Variants in RGS8 observed in about 807,000 individuals in gnomAD.
RGS8 encodes regulator of G protein signaling 8.
In RGS8, 8 loss-of-function variants were observed where a neutral mutation model predicts 21.7. The observed-to-expected ratio is 0.37, with a 90% CI of 0.22 to 0.66. RGS8 has a LOEUF of 0.66. RGS8 is among the 30% of genes least tolerant of loss of function. RGS8 has a pLI of 0.59. For synonymous variants in RGS8, 80 were observed against 83.6 expected (o/e 0.96, Z 0.24); for missense variants, 157 against 217.9 (o/e 0.72, Z 1.76).
At chr1:182,712,461 C>T in the RGS8 span, among the ~76,000 whole-genome samples, 1 of 152,166 alleles carries the variant, frequency 6.6e-6, no homozygotes, top group African/African-American at 2.4e-5. Context: ...TTTCTAGAGC[C>T]TTTATTGATA....
At chr1:182,704,543 A>T in the RGS8 span, among the ~76,000 whole-genome samples, 4 of 152,236 alleles carry the variant, frequency 2.6e-5, no homozygotes, top group African/African-American at 9.6e-5. Context: ...TCTTGGACCC[A>T]TATGCAGAAT....
At chr1:182,669,178 T>C (rs966163796) in intron 3 of RGS8, among the ~76,000 whole-genome samples, 2 of 152,222 alleles carry the variant, frequency 1.3e-5, no homozygotes, top group Admixed American at 1.3e-4. Context: ...AGCTAAGACC[T>C]CAATTATAAT....
chr1:182,742,545 C>T, the RGS8 span, among the ~76,000 whole-genome samples: 3 of 152,212 alleles, frequency 2.0e-5, no homozygotes, highest in Non-Finnish European at 2.9e-5. Context: ...GAGACCAGCC[C>T]GGCCAACACA....
At chr1:182,716,218 C>T in the RGS8 span, among the ~76,000 whole-genome samples, 2 of 151,742 alleles carry the variant, frequency 1.3e-5, no homozygotes, top group East Asian at 1.9e-4. Context: ...TTCCACCTCC[C>T]GGGTTCAAGC....
chr1:182,661,222 G>A (rs1663571995), intron 5 of RGS8, among the ~76,000 whole-genome samples: 1 of 151,884 alleles, frequency 6.6e-6, no homozygotes, highest in South Asian at 2.1e-4. Flanking sequence ...TGTTCTCAGA[G>A]ATAGATAACA....
At chr1:182,703,665 A>G in the RGS8 span, among the ~76,000 whole-genome samples, 1 of 152,210 alleles carries the variant, frequency 6.6e-6, no homozygotes, top group African/African-American at 2.4e-5. Flanking sequence ...GGTCATGGAT[A>G]ATAACCACAG....
the RGS8 span, among the ~76,000 whole-genome samples, chr1:182,737,100 G>A: frequency 3.9e-5 from 6 of 151,982 alleles, no homozygotes; most frequent in East Asian, 3.9e-4. Flanking sequence ...AGCTTCAGGT[G>A]GCTACCAGCA....
chr1:182,670,915 C>T (rs1030686670), intron 2 of RGS8, among the ~76,000 whole-genome samples: 3 of 152,134 alleles, frequency 2.0e-5, no homozygotes, highest in African/African-American at 7.2e-5. Context: ...GCAGCTGTGC[C>T]GGTCCCTAGA....
At chr1:182,661,523 G>T (rs1248018419) in intron 5 of RGS8, among the ~76,000 whole-genome samples, 1 of 151,676 alleles carries the variant, frequency 6.6e-6, no homozygotes, top group Non-Finnish European at 1.5e-5. Context: ...CAAGAAGGAA[G>T]GGAGAAATAA....
upstream of RGS8, among the ~76,000 whole-genome samples, chr1:182,686,515 G>C (rs1041508986): frequency 7.2e-5 from 11 of 152,196 alleles, no homozygotes; most frequent in African/African-American, 2.4e-4. Context: ...CTCTGTGAAG[G>C]ATAGGGTGAG....
At chr1:182,717,385 T>C in the RGS8 span, among the ~76,000 whole-genome samples, 2 of 152,214 alleles carry the variant, frequency 1.3e-5, no homozygotes, top group Non-Finnish European at 1.5e-5. Flanking sequence ...CTCATTTTTC[T>C]TCCTGAAACT....
intron 5 of RGS8, among the ~76,000 whole-genome samples, chr1:182,664,068 G>A (rs972605603): frequency 2.6e-5 from 4 of 152,102 alleles, no homozygotes; most frequent in Non-Finnish European, 4.4e-5. Context: ...AGTGTCTTCA[G>A]ATTTAAAAGT....
the RGS8 span, among the ~76,000 whole-genome samples, chr1:182,740,919 T>C: frequency 2.7e-3 from 414 of 152,302 alleles, 6 homozygotes; most frequent in African/African-American, 9.5e-3. Context: ...TTCTTCTTAG[T>C]ACAGAACAAA....
intron 3 of RGS8, among the ~76,000 whole-genome samples, chr1:182,667,950 G>C (rs1010339106): frequency 6.6e-6 from 1 of 152,018 alleles, no homozygotes; most frequent in Non-Finnish European, 1.5e-5. Flanking sequence ...CTGAGTAGCC[G>C]GGATTACAGG....
the RGS8 span, among the ~76,000 whole-genome samples, chr1:182,742,974 C>T: frequency 6.6e-6 from 1 of 152,160 alleles, no homozygotes; most frequent in Non-Finnish European, 1.5e-5. Flanking sequence ...ATTAAAGTGG[C>T]ATTGTGCAAT....
downstream of RGS8, chr1:182,643,315 CTCCCCCAG>C (rs1662551001): frequency 2.9e-5 from 3 of 101,812 alleles, no homozygotes; most frequent in African/African-American, 9.4e-5. Flanking sequence ...TGTCTCCCCC[CTCCCCCAG>C]CCCCCCCGCC....
At chr1:182,676,961 G>A (rs549072645), upstream of RGS8, among the ~76,000 whole-genome samples, 1 of 152,266 alleles carries the variant, frequency 6.6e-6, no homozygotes, top group South Asian at 2.1e-4. Context: ...AAGTCTATGG[G>A]GGAAATGCCC....
At chr1:182,740,548 G>GTTTTTTTTTTTTTTT in the RGS8 span, among the ~76,000 whole-genome samples, 9 of 75,962 alleles carry the variant, frequency 1.2e-4, no homozygotes, top group Non-Finnish European at 1.5e-4. Flanking sequence ...TTGTTTGTTT[G>GTTTTTTTTTTTTTTT]TTTTTTTTTT....
intron 2 of RGS8, among the ~76,000 whole-genome samples, chr1:182,670,206 C>T (rs1571343930): frequency 6.6e-6 from 1 of 152,098 alleles, no homozygotes; most frequent in East Asian, 1.9e-4. Flanking sequence ...CGTGGAGACT[C>T]GGGAAAGTGG....
Sources: allele counts gnomAD v4.1 joint callset (sites outside exome capture counted in the v4.1 genomes callset), GRCh38; gene constraint gnomAD v4.1.1; transcripts MANE v1.5; gene names NCBI Gene and HGNC (gene_info 2026-07-23, HGNC 2026-07-21).